The following COA7 variants were observed in gnomAD, a reference collection of about 807,000 sequenced individuals.
COA7 encodes Sel1 repeat containing 1.
A neutral mutation model predicts 21.0 loss-of-function variants in COA7; 12 were observed. That is an observed-to-expected ratio of 0.57 (90% CI 0.37 to 0.92). COA7 has a LOEUF of 0.92. COA7 is among the 40% of genes least tolerant of loss of function. The pLI is 0.01. For synonymous variants in COA7, 95 were observed against 107.4 expected (o/e 0.88, Z 0.72); for missense variants, 240 against 286.1 (o/e 0.84, Z 1.16).
rs1643993942 is a variant in COA7, at chr1:52,685,454, T to C, written c.*2266A>G. 1 of 152,198 alleles carries C rather than the reference T, an allele frequency of 6.6e-6. No homozygotes were observed. Among genetic ancestry groups the C allele is most frequent in the Non-Finnish European group, 1.5e-5 (1 of 68,038 alleles). 9.4% of individuals were successfully genotyped at this position (152,198 alleles called of 1,614,324 possible). ...GGGTTTTGGCCTGTTTTTAATCAGG[T>C]TGTTTTCTTACTGTTGAATTTTAAG... On this transcript the variant is annotated 3_prime_UTR_variant, in exon 3 of 3. Coordinates refer to ENST00000371538, the MANE Select transcript of COA7 (RefSeq NM_023077.3).
chr1:52,688,108 G>A lies in COA7; in HGVS notation c.308C>T (p.Pro103Leu). The change falls in exon 3 of 3, where the codon CCT becomes CTT. Residue 103 changes from proline (P) to leucine (L), a missense_variant. Physicochemically the swap from Pro to Leu is moderately conservative, Grantham distance 98 (BLOSUM62 -3). This residue lies in a region of COA7 where 163 missense variants were observed against 214.1 expected (regional missense o/e 0.76). Coordinates refer to ENST00000371538, the MANE Select transcript of COA7 (RefSeq NM_023077.3). ...ACATGCTGCTATTGACTTCTTTCCA[G>A]GCTTCTCACACGCCATCAAAAAGCA... ...ARCFLMACEK[P>L]GKKSIAACHN... 1 of 1,613,912 alleles carries A rather than the reference G, an allele frequency of 6.2e-7. No homozygotes were observed. Among genetic ancestry groups the A allele is most frequent in the Non-Finnish European group, 8.5e-7 (1 of 1,180,028 alleles).
At chr1:52,694,824 G>A (rs1644073265) in intron 1 of COA7, among the ~76,000 whole-genome samples, 2 of 152,152 alleles carry the variant, frequency 1.3e-5, no homozygotes, top group South Asian at 4.1e-4. Context: ...TAAATACAAA[G>A]ACCTGAAAGA....
At position 52,687,586 on chromosome 1, in the gene COA7, G is replaced by A. The variant is rs902924320; in HGVS notation, c.*134C>T. The A allele has an allele frequency of 1.4e-5, 10 of 739,758 alleles. No homozygotes were observed. Among genetic ancestry groups the A allele is most frequent in the Non-Finnish European group, 2.2e-5 (10 of 446,418 alleles). The allele number at this position is 739,758 out of a possible 1,614,324, so 45.8% of individuals were successfully genotyped here. On this transcript the variant is annotated 3_prime_UTR_variant, in exon 3 of 3. Coordinates refer to ENST00000371538, the MANE Select transcript of COA7 (RefSeq NM_023077.3). ...CCAGTAGCTGGGGCAATGGATCCATGTAAATGGAGCTACAAATTCAAGTCC... is the reference window on the plus strand; with the variant it reads ...CCAGTAGCTGGGGCAATGGATCCATATAAATGGAGCTACAAATTCAAGTCC...
rs1291275427 is a variant in COA7 at position 52,690,928 on chromosome 1, G to A, written c.247+1799C>T. On this transcript the variant is annotated intron_variant, in intron 2 of 2. Transcript: ENST00000371538. ...TCAAGACCAGCCTGGCTAACATGGC[G>A]AAACCCCATCTCTACTAAAAATACA... 3.3e-5 allele frequency among the ~76,000 whole-genome samples: 5 copies of A among 152,090 alleles called. No individual in the cohort carries two copies. In the South Asian group the frequency reaches 6.2e-4, roughly 19 times the overall value.
intron 2 of COA7, among the ~76,000 whole-genome samples, chr1:52,691,236 G>A (rs1034756550): frequency 6.6e-6 from 1 of 152,010 alleles, no homozygotes; most frequent in South Asian, 2.1e-4. Context: ...ACAACATAGT[G>A]AGATCCTGTC....
rs769831406 is a variant in COA7, at chr1:52,692,786, TCA to T, written c.186_187del (p.Cys62Ter). ...GCAGCTATCACTGTGCTGGTTCTCT[TCA>T]CAGTTAAACTTCAACACCTTGGCAG... is the stretch of plus-strand genomic sequence containing the variant. On this transcript the variant is annotated stop_gained and frameshift_variant, in exon 2 of 3. Coordinates refer to ENST00000371538, the MANE Select transcript of COA7 (RefSeq NM_023077.3). LOFTEE classifies it high-confidence loss of function. 6.2e-7 allele frequency: 1 copy of T among 1,614,130 alleles called. No homozygotes were observed. Among genetic ancestry groups the T allele is most frequent in the South Asian group, 1.1e-5 (1 of 91,082 alleles).
rs1274175242 is a variant in COA7, at chr1:52,698,309, G to C, written c.18C>G (p.Asp6Glu). The C allele has an allele frequency of 1.2e-6, 2 of 1,611,564 alleles. No individual in the cohort carries two copies. The highest frequency in any genetic ancestry group is 1.3e-5 in the African/African-American group (1 of 74,854). MAGMV[D>E]FQDEEQVKSF... ...ACTTGACCTGCTCCTCATCCTGGAA[G>C]TCCACCATGCCGGCCATGGTTCGCG... The change falls in exon 1 of 3, where the codon GAC becomes GAG. Residue 6 changes from aspartate (D) to glutamate (E), a missense_variant. By Grantham distance (45) the Asp-to-Glu change is conservative. This residue lies in a region of COA7 where 71 missense variants were observed against 54.7 expected (regional missense o/e 1.30). Coordinates refer to ENST00000371538, the MANE Select transcript of COA7 (RefSeq NM_023077.3).
At chr1:52,689,963 C>T (rs569383707) in intron 2 of COA7, among the ~76,000 whole-genome samples, 14 of 148,814 alleles carry the variant, frequency 9.4e-5, no homozygotes, top group African/African-American at 3.2e-4. Flanking sequence ...AGAAGTGGAG[C>T]TTGCAGTGAG....
chr1:52,687,871 C>T lies in COA7; in HGVS notation c.545G>A (p.Gly182Asp), dbSNP rs117753246. 1 of 1,614,230 alleles carries T rather than the reference C, an allele frequency of 6.2e-7. No individual in the cohort carries two copies. Among genetic ancestry groups the T allele is most frequent in the East Asian group, 2.2e-5 (1 of 44,886 alleles). ...CKYSMKACDL[G>D]HIWACANASR... ...GGCATTGGCACAGGCCCAGATATGA[C>T]CCAGGTCACAGGCTTTCATGGAGTA... The change falls in exon 3 of 3, where the codon GGT (glycine) becomes GAT (aspartate). Residue 182 changes from glycine (G) to aspartate (D), a missense_variant. Physicochemically the swap from Gly to Asp is moderately conservative, Grantham distance 94. Coordinates refer to ENST00000371538, the MANE Select transcript of COA7 (RefSeq NM_023077.3).
rs535156892 is a variant in COA7, at chr1:52,698,049, C to T, written c.106+172G>A. 2.4e-5 allele frequency: 14 copies of T among 587,838 alleles called. No individual in the cohort carries two copies. In the East Asian group the frequency reaches 3.9e-4, roughly 16 times the overall value. 36.4% of individuals were successfully genotyped at this position (587,838 alleles called of 1,614,324 possible). A position where few individuals can be genotyped will look rare whatever the true frequency, so the allele number is the denominator to read the frequency against. On this transcript the variant is annotated intron_variant, in intron 1 of 2. Coordinates refer to ENST00000371538, the MANE Select transcript of COA7 (RefSeq NM_023077.3). ...TCCTACCCGCCCCGGCCTCCTGGCT[C>T]GGTCTTCCCGGGACACATCGCCCTT...
At chr1:52,695,731 C>T (rs1408502487) in intron 1 of COA7, among the ~76,000 whole-genome samples, 1 of 152,066 alleles carries the variant, frequency 6.6e-6, no homozygotes, top group African/African-American at 2.4e-5. Flanking sequence ...GGTTAGAAGG[C>T]GACTTCAGTT....
rs1644096613 is a variant in COA7 at position 52,697,987 on chromosome 1, T to TC, written c.106+233dup. On this transcript the variant is annotated intron_variant, in intron 1 of 2. Transcript: ENST00000371538. Reference sequence around the variant, plus strand: ...GGAGTTTCATCTGTTCACCGATGGATCCCCAGTCCCTAACCCAAAAGCCCC... The same window carrying TC: ...GGAGTTTCATCTGTTCACCGATGGATCCCCCAGTCCCTAACCCAAAAGCCCC... 1.3e-5 allele frequency: 7 copies of TC among 530,230 alleles called. No individual in the cohort carries two copies. The South Asian group carries it at 1.7e-4, about 13-fold the overall frequency. The allele number at this position is 530,230 out of a possible 1,614,324, so 32.8% of individuals were successfully genotyped here.
At position 52,687,032 on chromosome 1, in the gene COA7, ACGATGGCAGG is replaced by A. The variant is rs1644011057; in HGVS notation, c.*678_*687del. 2 of 152,374 alleles carry A rather than the reference ACGATGGCAGG, an allele frequency of 1.3e-5. No individual in the cohort carries two copies. The highest frequency in any genetic ancestry group is 4.8e-5 in the African/African-American group (2 of 41,448). 9.4% of individuals were successfully genotyped at this position (152,374 alleles called of 1,614,324 possible). A position where few individuals can be genotyped will look rare whatever the true frequency, so the allele number is the denominator to read the frequency against. Reference sequence around the variant, plus strand: ...TTTTAACTGCCAATGTCTCTTCTAGACGATGGCAGGCTGATGTTTCATCTTCTTCAGCAAC... The same window carrying A: ...TTTTAACTGCCAATGTCTCTTCTAGACTGATGTTTCATCTTCTTCAGCAAC... On this transcript the variant is annotated 3_prime_UTR_variant, in exon 3 of 3. Coordinates refer to ENST00000371538, the MANE Select transcript of COA7 (RefSeq NM_023077.3).
rs780593265 is a variant in COA7, at chr1:52,687,842, G to A, written c.574C>T (p.Arg192Cys). 27 of 1,614,108 alleles carry A rather than the reference G, an allele frequency of 1.7e-5. No individual in the cohort carries two copies. The highest frequency in any genetic ancestry group is 3.3e-5 in the Admixed American group (2 of 60,008). ...GHIWACANAS[R>C]MYKLGDGVDK... ...ACACCATCCCCCAGCTTGTACATGC[G>A]ACTGGCATTGGCACAGGCCCAGATA... Residue 192 changes from arginine to cysteine, a missense_variant, in exon 3 of 3, where the codon CGC becomes TGC. Physicochemically the swap from Arg to Cys is radical, Grantham distance 180. Transcript: ENST00000371538.
chr1:52,689,160 ATTTTTT>A (rs1195625684), intron 2 of COA7, among the ~76,000 whole-genome samples: 1 of 145,684 alleles, frequency 6.9e-6, no homozygotes, highest in Non-Finnish European at 1.5e-5. Flanking sequence ...TATTATTATT[ATTTTTT>A]TTTTTTTGAG....
At position 52,695,982 on chromosome 1, in the gene COA7, G is replaced by A. The variant is rs550982945; in HGVS notation, c.106+2239C>T. On this transcript the variant is annotated intron_variant, in intron 1 of 2. Coordinates refer to ENST00000371538, the MANE Select transcript of COA7 (RefSeq NM_023077.3). ...TGTGGGCCAGACTCCCGCTTCAAACGTACTAAATCCTGACTTCAACCTTCC... is the reference window on the plus strand; with the variant it reads ...TGTGGGCCAGACTCCCGCTTCAAACATACTAAATCCTGACTTCAACCTTCC... Among the ~76,000 whole-genome samples, 9 of 152,192 alleles carry A rather than the reference G, an allele frequency of 5.9e-5. No individual in the cohort carries two copies. The South Asian group carries it at 8.3e-4, about 14-fold the overall frequency.
At chr1:52,692,647 G>T in intron 2 of COA7, 80 bp downstream of exon 2, 2 of 1,533,140 alleles carry the variant, frequency 1.3e-6, no homozygotes, top group Non-Finnish European at 1.8e-6. Flanking sequence ...AGACCCTTCT[G>T]CAAGAGCTTA....
At chr1:52,688,222 T>G in intron 2 of COA7, 54 bp from the exon 3 acceptor site, 1 of 1,449,264 alleles carries the variant, frequency 6.9e-7, no homozygotes, top group Non-Finnish European at 9.3e-7. Flanking sequence ...ACAACCTAAA[T>G]GTCTCAGGCC....
At chr1:52,689,345 G>A (rs1395764990) in intron 2 of COA7, among the ~76,000 whole-genome samples, 3 of 150,938 alleles carry the variant, frequency 2.0e-5, no homozygotes, top group Admixed American at 6.6e-5. Flanking sequence ...CAGTAGAGAC[G>A]GGGTTTCACC....
Sources: gnomAD v4.1 joint callset for allele counts (sites outside exome capture counted in the v4.1 genomes callset) on GRCh38, gnomAD v4.1.1 for gene constraint, gnomAD v4.1.1 regional missense constraint, MANE v1.5 for transcripts, NCBI Gene and HGNC (gene_info 2026-07-23, HGNC 2026-07-21) for gene names.